Variants in ACADS observed in about 807,000 individuals in gnomAD.
ACADS encodes short-chain specific acyl-CoA dehydrogenase, mitochondrial.
In ACADS, 28 loss-of-function variants were observed where a neutral mutation model predicts 46.8. That is an observed-to-expected ratio of 0.60 (90% confidence interval 0.44 to 0.82). The LOEUF (loss-of-function observed/expected upper bound fraction) is 0.82. Ranked by LOEUF, ACADS falls within the 40% of genes least tolerant of loss-of-function variation. The pLI, the probability that ACADS is intolerant of heterozygous loss-of-function variation, is 0.00. For synonymous variants in ACADS, 236 were observed against 237.7 expected, an observed-to-expected ratio of 0.99 and a Z score of 0.07; for missense variants, 528 against 578.0, an observed-to-expected ratio of 0.91 and a Z score of 0.89.
Position 120,730,123 on chromosome 12 carries a change from C to T in ACADS, c.210+2934C>T, listed in dbSNP as rs147024663. Among the ~76,000 whole-genome samples the T allele has an allele frequency of 5.0e-3, 765 of 152,238 alleles. 6 individuals are homozygous for T. The highest frequency in any genetic ancestry group is 0.018 in the African/African-American group (740 of 41,512). ...TCAGCCTCCCAAGTAGCTGGAACTA[C>T]AGGTGCGCACCACCACACCCGGCTA... On this transcript the variant is annotated intron_variant, in intron 2 of 9. Transcript: ENST00000242592.
At position 120,738,802 on chromosome 12, in the gene ACADS, G is replaced by A; in HGVS notation, c.934-18G>A. The A allele has an allele frequency of 1.9e-6, 3 of 1,613,774 alleles. No individual in the cohort carries two copies. The highest frequency in any genetic ancestry group is 1.1e-5 in the South Asian group (1 of 91,078). On this transcript the variant is annotated intron_variant, in intron 7 of 9. Transcript: ENST00000242592. ...AGGGGCAGCTGCTGACCTGTGGTGT[G>A]GGGTGGGGCTATTGCAGTTCAAGTT...
chr12:120,735,363 A>C (rs954662745), intron 2 of ACADS, among the ~76,000 whole-genome samples: 6 of 149,940 alleles, frequency 4.0e-5, no homozygotes, highest in African/African-American at 1.2e-4. Flanking sequence ...AAAAAAAAAA[A>C]AAAAAAAAAA....
At position 120,738,518 on chromosome 12, in the gene ACADS, G is replaced by T; in HGVS notation, c.796-15G>T. Reference sequence around the variant, plus strand: ...GCCCCGGCTGGCGGGCCACTGACCAGGGCGGTCCCCACAGCAAACCCTGGA... The same window carrying T: ...GCCCCGGCTGGCGGGCCACTGACCATGGCGGTCCCCACAGCAAACCCTGGA... On this transcript the variant is annotated splice_polypyrimidine_tract_variant and intron_variant, in intron 6 of 9. Transcript: ENST00000242592. 6.2e-7 allele frequency: 1 copy of T among 1,607,388 alleles called. No homozygotes were observed.
intron 1 of ACADS, 111 bp downstream of exon 1, chr12:120,726,042 C>T: frequency 2.6e-6 from 3 of 1,163,224 alleles, no homozygotes; most frequent in Non-Finnish European, 3.5e-6. Flanking sequence ...AGCCCCACTC[C>T]GGGAGCGCTC....
rs137894149 is a variant in ACADS, at chr12:120,729,258, C to CT, written c.210+2086dup. Among the ~76,000 whole-genome samples the CT allele has an allele frequency of 1.7e-3, 215 of 123,100 alleles. 2 individuals carry two copies. The highest frequency in any genetic ancestry group is 5.6e-3 in the East Asian group (25 of 4,498). 80.8% of individuals were successfully genotyped at this position (123,100 alleles called of 152,430 possible). A position where few individuals can be genotyped will look rare whatever the true frequency, so the allele number is the denominator to read the frequency against. Reference sequence around the variant, plus strand: ...TTGACTGCTTCTCTTTTTCTTTTTTCTTTTTTTTTTTTTTTTTGAGATGGA... The same window carrying CT: ...TTGACTGCTTCTCTTTTTCTTTTTTCTTTTTTTTTTTTTTTTTTGAGATGGA... On this transcript the variant is annotated intron_variant, in intron 2 of 9. Coordinates refer to ENST00000242592, the MANE Select transcript of ACADS (RefSeq NM_000017.4).
Position 120,739,124 on chromosome 12 carries a change from G to A in ACADS, c.1030-16G>A. On this transcript the variant is annotated splice_polypyrimidine_tract_variant and intron_variant, in intron 8 of 9. Coordinates refer to ENST00000242592, the MANE Select transcript of ACADS (RefSeq NM_000017.4). ...GTCCCCTCAAGGGAAGGCTCTGACTGTACCCCCATGTTTAGGAGGCAGCCA... is the reference window on the plus strand; with the variant it reads ...GTCCCCTCAAGGGAAGGCTCTGACTATACCCCCATGTTTAGGAGGCAGCCA... The A allele has an allele frequency of 6.2e-7, 1 of 1,613,038 alleles. No homozygotes were observed. Among genetic ancestry groups the A allele is most frequent in the East Asian group, 2.2e-5 (1 of 44,868 alleles).
At chr12:120,733,641 G>T in intron 2 of ACADS, among the ~76,000 whole-genome samples, 1 of 151,400 alleles carries the variant, frequency 6.6e-6, no homozygotes, top group Non-Finnish European at 1.5e-5. Flanking sequence ...CCCCTCCCCA[G>T]GTGTGTGGCG....
At chr12:120,731,331 GA>G (rs1883241160) in intron 2 of ACADS, among the ~76,000 whole-genome samples, 1 of 151,938 alleles carries the variant, frequency 6.6e-6, no homozygotes. Context: ...GGCCAGGCTG[GA>G]TTTGAACGCC....
intron 2 of ACADS, among the ~76,000 whole-genome samples, chr12:120,731,271 A>T (rs1477542914): frequency 1.3e-5 from 2 of 151,840 alleles, no homozygotes; most frequent in Non-Finnish European, 2.9e-5. Context: ...TCTTTTTAAA[A>T]TTTTTTTAAT....
Position 120,739,558 on chromosome 12 carries a change from A to G in ACADS, c.*110A>G, listed in dbSNP as rs1033308144. 8 of 1,301,636 alleles carry G rather than the reference A, an allele frequency of 6.1e-6. No individual in the cohort carries two copies. Among genetic ancestry groups the G allele is most frequent in the African/African-American group, 1.5e-5 (1 of 68,888 alleles). 80.6% of individuals were successfully genotyped at this position (1,301,636 alleles called of 1,614,324 possible). ...CCGGCGGGGGCTCCCTGGGGACCCC[A>G]GATGGGCTCAGTGCTGCCACCCAGA... is the stretch of plus-strand genomic sequence containing the variant. On this transcript the variant is annotated 3_prime_UTR_variant, in exon 10 of 10. Transcript: ENST00000242592.
intron 2 of ACADS, among the ~76,000 whole-genome samples, chr12:120,731,540 C>T (rs1288536600): frequency 6.6e-6 from 1 of 151,780 alleles, no homozygotes; most frequent in Non-Finnish European, 1.5e-5. Context: ...CTGCAACCTC[C>T]ACCTCCTGGG....
intron 3 of ACADS, 80 bp from the exon 4 acceptor site, chr12:120,737,276 C>T: frequency 6.5e-7 from 1 of 1,538,124 alleles, no homozygotes; most frequent in Non-Finnish European, 8.8e-7. Flanking sequence ...CTGGACAGAA[C>T]AGGCCCTGAG....
intron 4 of ACADS, 173 bp from the exon 5 acceptor site, chr12:120,737,664 C>T (rs1883500447): frequency 9.0e-7 from 1 of 1,111,570 alleles, no homozygotes. Context: ...ACGCCAGCTC[C>T]TGCACACCCC....
rs758446309 is a variant in ACADS, at chr12:120,737,811, G to T, written c.473-26G>T. The T allele has an allele frequency of 2.5e-6, 4 of 1,613,514 alleles. No homozygotes were observed. The African/African-American group carries it at 4.0e-5, about 16-fold the overall frequency. ...TTAGGTTGTGTGGGGTGGGGCGTGC[G>T]CTGAGCCCTGGGTCTGTGTGGGCAG... On this transcript the variant is annotated intron_variant, in intron 4 of 9. Transcript: ENST00000242592.
intron 2 of ACADS, among the ~76,000 whole-genome samples, chr12:120,733,338 T>C (rs1883327101): frequency 6.6e-6 from 1 of 151,854 alleles, no homozygotes; most frequent in African/African-American, 2.4e-5. Flanking sequence ...TGACCTCAGG[T>C]GATCCACCTG....
In ACADS at chr12:120,738,560, A is replaced by G. The variant is rs1883539190; in HGVS notation, c.823A>G (p.Ile275Val). The change falls in exon 7 of 10, where the codon ATC becomes GTC. Residue 275 changes from isoleucine to valine, a missense_variant. By Grantham distance (29) the Ile-to-Val change is conservative. Transcript: ENST00000242592. Reference sequence around the variant, plus strand: ...AACCCTGGACATGGGCCGCATCGGCATCGCCTCCCAGGCCCTGGGCATTGC... The same window carrying G: ...AACCCTGGACATGGGCCGCATCGGCGTCGCCTCCCAGGCCCTGGGCATTGC... ...MQTLDMGRIG[I>V]ASQALGIAQT... 1 of 1,611,374 alleles carries G rather than the reference A, an allele frequency of 6.2e-7. No homozygotes were observed. The highest frequency in any genetic ancestry group is 1.3e-5 in the African/African-American group (1 of 74,930).
chr12:120,729,257 T>A (rs995361195), intron 2 of ACADS, among the ~76,000 whole-genome samples: 1 of 126,972 alleles, frequency 7.9e-6, no homozygotes, highest in East Asian at 2.2e-4. Context: ...TTTTCTTTTT[T>A]CTTTTTTTTT....
chr12:120,739,894 C>G lies in ACADS; in HGVS notation c.*446C>G. The G allele has an allele frequency of 9.8e-6, 2 of 203,710 alleles. No homozygotes were observed. Among genetic ancestry groups the G allele is most frequent in the Admixed American group, 5.3e-5 (1 of 18,750 alleles). The allele number at this position is 203,710 out of a possible 1,614,324, so 12.6% of individuals were successfully genotyped here. On this transcript the variant is annotated 3_prime_UTR_variant, in exon 10 of 10. Transcript: ENST00000242592. ...TCCTGGTGTTGGGCAGGTGGTGGGG[C>G]TGGGCCATGGAGCTGGCCCAGAGGC...
At chr12:120,736,243 A>G (rs926750623) in intron 2 of ACADS, among the ~76,000 whole-genome samples, 4 of 152,106 alleles carry the variant, frequency 2.6e-5, no homozygotes, top group Non-Finnish European at 5.9e-5. Context: ...TGGTCTCCCA[A>G]AGTGCTGGGA....
Sources: gnomAD v4.1 joint callset for allele counts (sites outside exome capture counted in the v4.1 genomes callset) on GRCh38, gnomAD v4.1.1 for gene constraint, MANE v1.5 for transcripts, NCBI Gene and HGNC (gene_info 2026-07-23, HGNC 2026-07-21) for gene names.